The following GLIS3 variants were observed in gnomAD, a reference collection of about 807,000 sequenced individuals.
GLIS3 encodes zinc finger protein GLIS3.
GLIS3 carries 53 observed loss-of-function variants against 78.6 expected under a neutral mutation model. The ratio of observed to expected loss-of-function variants is 0.67; its 90% CI spans 0.54 to 0.85. The LOEUF is 0.85. Ranked by LOEUF, GLIS3 falls within the 40% of genes least tolerant of loss-of-function variation. The probability of loss-of-function intolerance (pLI) is 0.00; values close to 1 mark genes in which losing one functional copy is unlikely to be tolerated. For synonymous variants in GLIS3, 684 were observed against 509.9 expected (o/e 1.34, Z -4.60); for missense variants, 1,703 against 1,231.1 (o/e 1.38, Z -5.74).
chr9:4,051,228 CT>C (rs1825725999), intron 4 of GLIS3, among the ~76,000 whole-genome samples: 1 of 152,146 alleles, frequency 6.6e-6, no homozygotes, highest in African/African-American at 2.4e-5. Flanking sequence ...TCAAACATGG[CT>C]TAACAAGACA....
At chr9:4,412,497 C>T in the GLIS3 span, among the ~76,000 whole-genome samples, 1 of 152,044 alleles carries the variant, frequency 6.6e-6, no homozygotes, top group Non-Finnish European at 1.5e-5. Flanking sequence ...TGGATATCAC[C>T]CTTGCATTTG....
the GLIS3 span, among the ~76,000 whole-genome samples, chr9:4,485,258 A>G: frequency 6.6e-6 from 1 of 151,898 alleles, no homozygotes; most frequent in Non-Finnish European, 1.5e-5. Flanking sequence ...CAAGTAATCC[A>G]TCCTCCTCGG....
chr9:4,159,030 G>GAAAAAAA lies in GLIS3; in HGVS notation c.389-33090_389-33089insTTTTTTT, dbSNP rs141412126. ...GCTTGGTATGCTAGAGAAAGGAGAA[G>GAAAAAAA]AAGAAAAAAAAAAAAAAAAGCCAGG... On this transcript the variant is annotated intron_variant, in intron 2 of 10. Coordinates refer to ENST00000381971, the MANE Select transcript of GLIS3 (RefSeq NM_001042413.2). Among the ~76,000 whole-genome samples, 153 of 79,050 alleles carry GAAAAAAA rather than the reference G, an allele frequency of 1.9e-3. 21 individuals are homozygous for GAAAAAAA. The highest frequency in any genetic ancestry group is 2.9e-3 in the African/African-American group (59 of 20,586). The allele number at this position is 79,050 out of a possible 152,430, so 51.9% of individuals were successfully genotyped here.
At chr9:4,046,324 C>T (rs1825245306) in intron 4 of GLIS3, among the ~76,000 whole-genome samples, 1 of 152,156 alleles carries the variant, frequency 6.6e-6, no homozygotes, top group Non-Finnish European at 1.5e-5. Context: ...TCTTCACAGG[C>T]ACAGTGCTGA....
Position 3,958,270 on chromosome 9 carries a change from G to GA in GLIS3, c.1711-21082dup, listed in dbSNP as rs531226498. ...TAAGGCTTTTTGAAGATGAGAGGAA[G>GA]AAAAAAATGCACCATTTTTATTGAG... On this transcript the variant is annotated intron_variant, in intron 4 of 10. Coordinates refer to ENST00000381971, the MANE Select transcript of GLIS3 (RefSeq NM_001042413.2). Among the ~76,000 whole-genome samples the GA allele has an allele frequency of 2.0e-5, 3 of 152,160 alleles. No individual in the cohort carries two copies. In the East Asian group the frequency reaches 5.8e-4, roughly 29 times the overall value.
intron 2 of GLIS3, among the ~76,000 whole-genome samples, chr9:4,190,359 C>G (rs1818222434): frequency 6.6e-6 from 1 of 152,110 alleles, no homozygotes; most frequent in African/African-American, 2.4e-5. Context: ...AGCTGAAAGT[C>G]AAGGCTCGAG....
intron 6 of GLIS3, among the ~76,000 whole-genome samples, chr9:3,904,516 T>C (rs898572022): frequency 6.6e-6 from 1 of 152,146 alleles, no homozygotes; most frequent in Non-Finnish European, 1.5e-5. Flanking sequence ...GGTGAGTCTC[T>C]TTTTCTGGAG....
chr9:4,346,071 C>G (rs978188858), intron 2 of GLIS3, among the ~76,000 whole-genome samples: 1 of 151,982 alleles, frequency 6.6e-6, no homozygotes, highest in Non-Finnish European at 1.5e-5. Context: ...AAATTATGAT[C>G]AATTCACTTG....
chr9:4,315,334 G>C (rs939754774), intron 2 of GLIS3, among the ~76,000 whole-genome samples: 1 of 152,140 alleles, frequency 6.6e-6, no homozygotes, highest in Non-Finnish European at 1.5e-5. Context: ...GAGACTGAAT[G>C]GTTTGCCGGG....
chr9:3,984,371 G>A lies in GLIS3; in HGVS notation c.1711-47182C>T, dbSNP rs143452109. On this transcript the variant is annotated intron_variant, in intron 4 of 10. Transcript: ENST00000381971. Reference sequence around the variant, plus strand: ...CACACCTCTTGCATCAGCATGACCTGGATGTGAGACATGGAGTGAAAGGGG... The same window carrying A: ...CACACCTCTTGCATCAGCATGACCTAGATGTGAGACATGGAGTGAAAGGGG... Among the ~76,000 whole-genome samples the A allele has an allele frequency of 3.7e-3, 566 of 152,344 alleles. 2 individuals carry two copies. The highest frequency in any genetic ancestry group is 0.027 in the Middle Eastern group (8 of 294).
At chr9:4,201,791 C>A (rs1819420334) in intron 2 of GLIS3, among the ~76,000 whole-genome samples, 1 of 152,184 alleles carries the variant, frequency 6.6e-6, no homozygotes, top group African/African-American at 2.4e-5. Flanking sequence ...CAGTGCTATT[C>A]CTATTAAGCT....
In GLIS3 at chr9:4,195,746, G is replaced by A. The variant is rs368813636; in HGVS notation, c.389-69805C>T. On this transcript the variant is annotated intron_variant, in intron 2 of 10. Transcript: ENST00000381971. ...GCGAAGCCAGCTGGGCTCCTGAGTCGGGTGGGGTCTTGGAGAACTTTTATG... is the reference window on the plus strand; with the variant it reads ...GCGAAGCCAGCTGGGCTCCTGAGTCAGGTGGGGTCTTGGAGAACTTTTATG... Among the ~76,000 whole-genome samples the A allele has an allele frequency of 4.0e-3, 610 of 152,368 alleles. 3 individuals are homozygous for A. Among genetic ancestry groups the A allele is most frequent in the African/African-American group, 0.014 (570 of 41,588 alleles).
rs910540760 is a variant in GLIS3, at chr9:4,044,314, C to T, written c.1710+73454G>A. Among the ~76,000 whole-genome samples the T allele has an allele frequency of 4.6e-5, 7 of 152,204 alleles. No individual in the cohort carries two copies. The East Asian group carries it at 1.2e-3, about 25-fold the overall frequency. On this transcript the variant is annotated intron_variant, in intron 4 of 10. Transcript: ENST00000381971. The stretch of plus-strand genomic sequence containing the variant: ...TAAAGCATTTATGCATATGATTATA[C>T]AGATCTGTACGAAGACTGTAGGAGA...
At chr9:4,133,490 G>C (rs1045606083) in intron 2 of GLIS3, among the ~76,000 whole-genome samples, 2 of 152,128 alleles carry the variant, frequency 1.3e-5, no homozygotes, top group African/African-American at 2.4e-5. Context: ...AAAGAAGTGA[G>C]AGGTTAACAG....
At chr9:3,945,853 C>A (rs1816258542) in intron 4 of GLIS3, among the ~76,000 whole-genome samples, 1 of 152,094 alleles carries the variant, frequency 6.6e-6, no homozygotes, top group Non-Finnish European at 1.5e-5. Flanking sequence ...GAAAGAGACA[C>A]TACAGGTCAA....
At chr9:3,896,430 C>T (rs111920482) in intron 7 of GLIS3, among the ~76,000 whole-genome samples, 5 of 151,714 alleles carry the variant, frequency 3.3e-5, no homozygotes, top group African/African-American at 1.2e-4. Context: ...TTTTGGAGGC[C>T]GAGGTGGGTG....
chr9:3,873,699 CAA>C (rs1421329813), intron 8 of GLIS3, among the ~76,000 whole-genome samples: 4 of 151,978 alleles, frequency 2.6e-5, no homozygotes, highest in South Asian at 2.1e-4. Context: ...AAGAAAAAGT[CAA>C]AGTTACTTAT....
chr9:4,421,638 T>C, the GLIS3 span, among the ~76,000 whole-genome samples: 1 of 152,232 alleles, frequency 6.6e-6, no homozygotes, highest in Non-Finnish European at 1.5e-5. Context: ...GAGGGTGCTC[T>C]CATTTATTAC....
the GLIS3 span, among the ~76,000 whole-genome samples, chr9:4,442,724 C>A: frequency 6.6e-6 from 1 of 151,322 alleles, no homozygotes; most frequent in Non-Finnish European, 1.5e-5. Flanking sequence ...GTTATTAATC[C>A]ATTTCTTTTT....
Sources: allele counts gnomAD v4.1 joint callset (sites outside exome capture counted in the v4.1 genomes callset), GRCh38; gene constraint gnomAD v4.1.1; transcripts MANE v1.5; gene names NCBI Gene and HGNC (gene_info 2026-07-23, HGNC 2026-07-21).